CAND1: variants seen among roughly 807,000 people sequenced by gnomAD.
CAND1 encodes the protein cullin-associated NEDD8-dissociated protein 1.
In CAND1, 7 loss-of-function variants were observed where a neutral mutation model predicts 108.5. The observed-to-expected ratio is 0.06, with a 90% CI of 0.04 to 0.12. The LOEUF is 0.12. Ranked by LOEUF, CAND1 falls within the 10% of genes least tolerant of loss-of-function variation. The pLI is 1.00. For synonymous variants in CAND1, 534 were observed against 512.0 expected, an observed-to-expected ratio of 1.04 and a Z score of -0.58; for missense variants, 941 against 1,448.7, an observed-to-expected ratio of 0.65 and a Z score of 5.69.
chr12:67,299,420 C>A (rs1422117398), intron 7 of CAND1, among the ~76,000 whole-genome samples: 1 of 152,002 alleles, frequency 6.6e-6, no homozygotes, highest in African/African-American at 2.4e-5. Context: ...ACAACTAGTA[C>A]TATTACCACT....
rs569647307 is a variant in CAND1, at chr12:67,319,008, G to T, written c.*6178G>T. On this transcript the variant is annotated 3_prime_UTR_variant, in exon 15 of 15. Transcript: ENST00000545606. ...AACAGATCGCTGGGCCCTACACCCA[G>T]AGGCTGTGGTTCAGTAGGCTGTAGT... 3 of 152,344 alleles carry T rather than the reference G, an allele frequency of 2.0e-5. No homozygotes were observed. Among genetic ancestry groups the T allele is most frequent in the Admixed American group, 1.3e-4 (2 of 15,308 alleles). 9.4% of individuals were successfully genotyped at this position (152,344 alleles called of 1,614,324 possible).
rs1425392956 is a variant in CAND1, at chr12:67,269,794, G to A, written c.68+9G>A. ...AGCGACAAGGACTTTAGGTGAGGCCGAGATCCGACCCTCACCCCACCTCGG... is the reference window on the plus strand; with the variant it reads ...AGCGACAAGGACTTTAGGTGAGGCCAAGATCCGACCCTCACCCCACCTCGG... On this transcript the variant is annotated intron_variant, in intron 1 of 14. Transcript: ENST00000545606. 1.9e-6 allele frequency: 3 copies of A among 1,598,892 alleles called. No homozygotes were observed. The Admixed American group carries it at 5.1e-5, about 27-fold the overall frequency.
intron 11 of CAND1, among the ~76,000 whole-genome samples, chr12:67,309,070 A>G (rs576662097): frequency 5.9e-5 from 9 of 152,112 alleles, no homozygotes; most frequent in Admixed American, 1.3e-4. Context: ...GTCTTCAACA[A>G]TATATGCGCC....
chr12:67,307,968 G>A (rs1316392068), intron 11 of CAND1, among the ~76,000 whole-genome samples: 3 of 151,958 alleles, frequency 2.0e-5, no homozygotes, highest in Non-Finnish European at 2.9e-5. Flanking sequence ...GGGGGGGAGA[G>A]CTAATTCCCA....
chr12:67,304,758 A>G lies in CAND1; in HGVS notation c.1435+12A>G, dbSNP rs2136016433. The G allele has an allele frequency of 1.2e-6, 2 of 1,610,982 alleles. No homozygotes were observed. The highest frequency in any genetic ancestry group is 8.5e-7 in the Non-Finnish European group (1 of 1,179,166). ...TGTACTTGTACCAGGTATGAAAGAA[A>G]CATAAATCTCTTTTGGGACTTATTG... On this transcript the variant is annotated intron_variant, in intron 9 of 14. Transcript: ENST00000545606.
At position 67,305,811 on chromosome 12, in the gene CAND1, T is replaced by G; in HGVS notation, c.2143T>G (p.Phe715Val). Residue 715 changes from phenylalanine to valine, a missense_variant, in exon 10 of 15, where the codon TTT becomes GTT. By Grantham distance (50) the Phe-to-Val change is conservative (BLOSUM62 -1). Around this residue, in one of 9 missense-constraint regions of CAND1, gnomAD observed 697 missense variants for 942.0 expected, o/e 0.74. Transcript: ENST00000545606. The surrounding 1 kb of genome is among the most constrained non-coding windows in gnomAD (Gnocchi z 4.4). ...GCATGTTTCACAAATGGCCATCAGT[T>G]TTCTTACCACTTTGGCAAAAGTATA... ...DMHVSQMAIS[F>V]LTTLAKVYPS... is the part of the protein sequence containing the mutation. The G allele has an allele frequency of 6.2e-7, 1 of 1,614,192 alleles. No individual in the cohort carries two copies. Among genetic ancestry groups the G allele is most frequent in the Non-Finnish European group, 8.5e-7 (1 of 1,180,038 alleles).
intron 1 of CAND1, among the ~76,000 whole-genome samples, chr12:67,277,203 T>A (rs1263612293): frequency 6.6e-6 from 1 of 152,232 alleles, no homozygotes; most frequent in Non-Finnish European, 1.5e-5. Context: ...TCATTATTTG[T>A]AGTATGTTTT....
Position 67,295,064 on chromosome 12 carries a change from G to T in CAND1, c.399G>T (p.Lys133Asn), listed in dbSNP as rs1308263693. 6.2e-7 allele frequency: 1 copy of T among 1,612,864 alleles called. No individual in the cohort carries two copies. The highest frequency in any genetic ancestry group is 1.1e-5 in the South Asian group (1 of 90,980). ...GSALAANVCKKITGRLTSAIA... is the reference protein window; with the variant it reads ...GSALAANVCKNITGRLTSAIA... ...CATTAGCTGCTAATGTATGTAAAAA[G>T]ATTACTGGACGTCTTACAAGTGCAA... The change falls in exon 4 of 15, where the codon AAG becomes AAT. Residue 133 changes from lysine to asparagine, a missense_variant. This residue lies in a region of CAND1 where 697 missense variants were observed against 942.0 expected (regional missense o/e 0.74). Coordinates refer to ENST00000545606, the MANE Select transcript of CAND1 (RefSeq NM_018448.5).
chr12:67,290,693 T>C (rs2044714330), intron 2 of CAND1, among the ~76,000 whole-genome samples: 1 of 152,194 alleles, frequency 6.6e-6, no homozygotes, highest in African/African-American at 2.4e-5. Context: ...GTTAAGTTTT[T>C]GAAGATAGGG....
intron 9 of CAND1, 115 bp from the exon 10 acceptor site, chr12:67,304,989 T>G: frequency 1.0e-6 from 1 of 959,910 alleles, no homozygotes; most frequent in South Asian, 1.8e-5. Flanking sequence ...AAATTTCTAC[T>G]TATAGAAATA....
At chr12:67,287,151 A>G (rs557535394) in intron 2 of CAND1, among the ~76,000 whole-genome samples, 1 of 152,324 alleles carries the variant, frequency 6.6e-6, no homozygotes, top group East Asian at 1.9e-4. Flanking sequence ...AGTATTTAGC[A>G]GCATCCCTGG....
chr12:67,289,336 A>G (rs1303934583), intron 2 of CAND1, among the ~76,000 whole-genome samples: 2 of 151,648 alleles, frequency 1.3e-5, no homozygotes, highest in African/African-American at 4.9e-5. Flanking sequence ...CTCCTGCCCC[A>G]GCCTCCAGAG....
intron 2 of CAND1, among the ~76,000 whole-genome samples, chr12:67,291,352 T>C (rs971586364): frequency 4.2e-4 from 64 of 152,304 alleles, no homozygotes; most frequent in African/African-American, 1.5e-3. Flanking sequence ...CACATTGTTT[T>C]ATAAATCTCC....
chr12:67,275,219 A>C (rs1372521095), intron 1 of CAND1, among the ~76,000 whole-genome samples: 1 of 152,102 alleles, frequency 6.6e-6, no homozygotes, highest in Non-Finnish European at 1.5e-5. Context: ...TCTTTACATG[A>C]ACAATATTAA....
At chr12:67,288,266 T>C (rs1226643469) in intron 2 of CAND1, among the ~76,000 whole-genome samples, 1 of 151,782 alleles carries the variant, frequency 6.6e-6, no homozygotes, top group Non-Finnish European at 1.5e-5. Flanking sequence ...GTAACTGTGG[T>C]TACAGGCGCA....
chr12:67,302,726 CT>C (rs1258683753), intron 8 of CAND1, 111 bp downstream of exon 8: 3 of 900,630 alleles, frequency 3.3e-6, no homozygotes, highest in East Asian at 5.1e-5. Flanking sequence ...GCAGAAAGTT[CT>C]AGGATATGTT....
At position 67,287,852 on chromosome 12, in the gene CAND1, A is replaced by G. The variant is rs1186691694; in HGVS notation, c.213-4770A>G. 3.5e-5 allele frequency among the ~76,000 whole-genome samples: 4 copies of G among 115,336 alleles called. No individual in the cohort carries two copies. In the East Asian group the frequency reaches 1.0e-3, roughly 29 times the overall value. 75.7% of individuals were successfully genotyped at this position (115,336 alleles called of 152,430 possible). A position where few individuals can be genotyped will look rare whatever the true frequency, so the allele number is the denominator to read the frequency against. On this transcript the variant is annotated intron_variant, in intron 2 of 14. Transcript: ENST00000545606. ...CAGTTTGAAATATTTTTAATTTTTG[A>G]TGTGATTTTTTTTTTTTTTTTTTTT...
chr12:67,291,688 A>G (rs2044723570), intron 2 of CAND1, among the ~76,000 whole-genome samples: 1 of 152,200 alleles, frequency 6.6e-6, no homozygotes, highest in Non-Finnish European at 1.5e-5. Flanking sequence ...GAAAAAAATA[A>G]TAATTCTCTG....
chr12:67,280,696 T>A (rs932721139), intron 1 of CAND1, among the ~76,000 whole-genome samples: 2 of 152,202 alleles, frequency 1.3e-5, no homozygotes, highest in Non-Finnish European at 2.9e-5. Context: ...AACAATGAAT[T>A]GTTTGGTAAG....
Sources: allele counts gnomAD v4.1 joint callset (sites outside exome capture counted in the v4.1 genomes callset), GRCh38; gene constraint gnomAD v4.1.1; regional missense constraint gnomAD v4.1.1; non-coding constraint Gnocchi (gnomAD v3.1); transcripts MANE v1.5; gene names NCBI Gene and HGNC (gene_info 2026-07-23, HGNC 2026-07-21).